DCP2: variants seen among roughly 807,000 people sequenced by gnomAD.
DCP2 encodes decapping mRNA 2, also known as m7GpppN-mRNA hydrolase.
DCP2 carries 30 observed loss-of-function variants against 56.1 expected under a neutral mutation model. The observed-to-expected ratio is 0.53, with a 90% CI of 0.40 to 0.73. The LOEUF (loss-of-function observed/expected upper bound fraction) is 0.73, where lower values mean the gene tolerates loss of function less well. Ranked by LOEUF, DCP2 falls within the 30% of genes least tolerant of loss-of-function variation. The pLI, the probability that DCP2 is intolerant of heterozygous loss-of-function variation, is 0.00. For missense variants in DCP2, 533 were observed against 502.7 expected, an observed-to-expected ratio of 1.06 and a Z score of -0.58; for synonymous variants, 197 against 163.3, an observed-to-expected ratio of 1.21 and a Z score of -1.57.
At chr5:113,003,892 A>C (rs1561700506) in intron 7 of DCP2, 50 bp from the exon 8 acceptor site, 1 of 1,599,874 alleles carries the variant, frequency 6.3e-7, no homozygotes, top group Non-Finnish European at 8.6e-7. Context: ...TGTTAAAAGA[A>C]CTATAAGTGA....
intron 1 of DCP2, chr5:112,984,722 A>ATATATATATATATG (rs1328543744): frequency 3.0e-5 from 4 of 134,320 alleles, no homozygotes; most frequent in African/African-American, 1.2e-4. Context: ...ATATATATAT[A>ATATATATATATATG]TATTTGAGAC....
Position 112,992,787 on chromosome 5 carries a change from T to C in DCP2, c.432+17T>C. On this transcript the variant is annotated intron_variant, in intron 4 of 10. Coordinates refer to ENST00000389063, the MANE Select transcript of DCP2 (RefSeq NM_152624.6). ...GCTAGAGAGGTAAGTTATTCCATTT[T>C]GATACACAGTAAATTTGGCTATTAG... The C allele has an allele frequency of 6.5e-7, 1 of 1,548,914 alleles. No individual in the cohort carries two copies. Among genetic ancestry groups the C allele is most frequent in the Non-Finnish European group, 8.6e-7 (1 of 1,158,316 alleles).
rs543430531 is a variant in DCP2 at position 113,015,171 on chromosome 5, T to C, written c.*1687T>C. 2.0e-4 allele frequency: 31 copies of C among 152,638 alleles called. No homozygotes were observed. The highest frequency in any genetic ancestry group is 4.4e-4 in the Non-Finnish European group (30 of 68,030). The allele number at this position is 152,638 out of a possible 1,614,324, so 9.5% of individuals were successfully genotyped here. Reference sequence around the variant, plus strand: ...TTGTGTTTGGAAGCTTTTACTGTTCTTTTCAGAAATACGGCTGCTTTGCTT... The same window carrying C: ...TTGTGTTTGGAAGCTTTTACTGTTCCTTTCAGAAATACGGCTGCTTTGCTT... On this transcript the variant is annotated 3_prime_UTR_variant, in exon 11 of 11. Transcript: ENST00000389063.
In DCP2 at chr5:112,997,594, ACTTTTT is replaced by A. The variant is rs550427217; in HGVS notation, c.433-3471_433-3466del. The stretch of plus-strand genomic sequence containing the variant: ...TGTACACTGCTGCTCTTTGGGTTAC[ACTTTTT>A]CTTTTTCTTTTTCTTTTTTTTTTTT... On this transcript the variant is annotated intron_variant, in intron 4 of 10. Coordinates refer to ENST00000389063, the MANE Select transcript of DCP2 (RefSeq NM_152624.6). Among the ~76,000 whole-genome samples, 854 of 149,104 alleles carry A rather than the reference ACTTTTT, an allele frequency of 5.7e-3. 7 individuals carry two copies. Among genetic ancestry groups the A allele is most frequent in the African/African-American group, 0.019 (785 of 40,712 alleles).
intron 10 of DCP2, among the ~76,000 whole-genome samples, chr5:113,011,854 A>C (rs1561706569): frequency 6.6e-6 from 1 of 152,128 alleles, no homozygotes; most frequent in Non-Finnish European, 1.5e-5. Context: ...TCTTACATTT[A>C]AGTCTTTCAT....
intron 1 of DCP2, among the ~76,000 whole-genome samples, chr5:112,983,636 G>A (rs947013312): frequency 6.6e-6 from 1 of 151,980 alleles, no homozygotes; most frequent in Non-Finnish European, 1.5e-5. Context: ...ATCAAAAATA[G>A]ACACTGCAAA....
At chr5:113,011,841 G>A (rs78372243) in intron 10 of DCP2, among the ~76,000 whole-genome samples, 4,671 of 152,074 alleles carry the variant, frequency 0.031, 110 homozygotes, top group African/African-American at 0.051. Context: ...CTACAGTTTC[G>A]GGTCTTACAT....
At chr5:112,984,701 A>ATATATATATATATATAT (rs1181496332) in intron 1 of DCP2, 63 of 79,516 alleles carry the variant, frequency 7.9e-4, no homozygotes, top group East Asian at 3.6e-3. Flanking sequence ...AAAAAAAAAA[A>ATATATATATATATATAT]AAATATATAT....
intron 4 of DCP2, among the ~76,000 whole-genome samples, chr5:112,996,330 A>C (rs1748848879): frequency 6.6e-6 from 1 of 152,062 alleles, no homozygotes; most frequent in African/African-American, 2.4e-5. Flanking sequence ...TTTCATTTCC[A>C]CTTGTATTAA....
chr5:112,978,606 GATGGTAGATTTATAATTTTTGAAGT>G (rs1747841870), intron 1 of DCP2, among the ~76,000 whole-genome samples: 1 of 151,814 alleles, frequency 6.6e-6, no homozygotes, highest in South Asian at 2.1e-4. Flanking sequence ...CTTCTTTGGT[GATGGTAGATTTATAATTTTTGAAGT>G]ATGGTAGATT....
In DCP2 at chr5:112,989,073, A is replaced by G. The variant is rs148919856; in HGVS notation, c.206-3048A>G. ...GGTTACTCTGTGCCAGGCCTTATGC[A>G]GTGAAGAGAGTAGACTCAGTATCTT... On this transcript the variant is annotated intron_variant, in intron 2 of 10. Coordinates refer to ENST00000389063, the MANE Select transcript of DCP2 (RefSeq NM_152624.6). 1.5e-3 allele frequency among the ~76,000 whole-genome samples: 223 copies of G among 152,364 alleles called. 2 individuals carry two copies. The highest frequency in any genetic ancestry group is 2.6e-3 in the Non-Finnish European group (176 of 68,032).
At chr5:113,013,176 T>C in intron 10 of DCP2, 145 bp from the exon 11 acceptor site, 1 of 683,280 alleles carries the variant, frequency 1.5e-6, no homozygotes, top group East Asian at 2.9e-5. Context: ...GGAAAATACA[T>C]ATTTTGGTGG....
chr5:112,978,644 A>G (rs1289664736), intron 1 of DCP2, among the ~76,000 whole-genome samples: 1 of 152,070 alleles, frequency 6.6e-6, no homozygotes, highest in African/African-American at 2.4e-5. Context: ...GGTAGATTCA[A>G]ATGAACCACT....
chr5:112,982,561 C>A lies in DCP2; in HGVS notation c.54-3274C>A, dbSNP rs78580164. ...TTTCTGTTTTCACACTTAGTTCCCA[C>A]ATGGTCTAGCGTCCACATTTTGAGT... On this transcript the variant is annotated intron_variant, in intron 1 of 10. Coordinates refer to ENST00000389063, the MANE Select transcript of DCP2 (RefSeq NM_152624.6). 8.8e-3 allele frequency among the ~76,000 whole-genome samples: 1,345 copies of A among 152,314 alleles called. 27 individuals are homozygous for A. The highest frequency in any genetic ancestry group is 0.031 in the African/African-American group (1,292 of 41,566).
Position 113,007,930 on chromosome 5 carries a change from G to T in DCP2, c.943-8G>T, listed in dbSNP as rs757788529. On this transcript the variant is annotated splice_polypyrimidine_tract_variant and splice_region_variant and intron_variant, in intron 8 of 10. Coordinates refer to ENST00000389063, the MANE Select transcript of DCP2 (RefSeq NM_152624.6). ...AGATTCATATTATATTTCTTTTTGGGAAAACAGAATCAAAGTATGAGGGGA... is the reference window on the plus strand; with the variant it reads ...AGATTCATATTATATTTCTTTTTGGTAAAACAGAATCAAAGTATGAGGGGA... 6.2e-7 allele frequency: 1 copy of T among 1,608,520 alleles called. No individual in the cohort carries two copies. The highest frequency in any genetic ancestry group is 8.5e-7 in the Non-Finnish European group (1 of 1,176,118).
chr5:113,007,789 A>G, intron 8 of DCP2, 149 bp from the exon 9 acceptor site: 1 of 602,666 alleles, frequency 1.7e-6, no homozygotes. Flanking sequence ...CTATAAGAAA[A>G]TACATTGATA....
chr5:113,020,653 T>A lies in DCP2; in HGVS notation c.*7169T>A, dbSNP rs1410204967. 1 of 152,216 alleles carries A rather than the reference T, an allele frequency of 6.6e-6. No homozygotes were observed. Among genetic ancestry groups the A allele is most frequent in the Non-Finnish European group, 1.5e-5 (1 of 68,038 alleles). The allele number at this position is 152,216 out of a possible 1,614,324, so 9.4% of individuals were successfully genotyped here. The stretch of plus-strand genomic sequence containing the variant: ...CTATCAAAGGATTTCCGGTGATTCA[T>A]GTTTGTGAATTGGAGTTTAAATGTT... On this transcript the variant is annotated 3_prime_UTR_variant, in exon 11 of 11. Coordinates refer to ENST00000389063, the MANE Select transcript of DCP2 (RefSeq NM_152624.6).
rs73229003 is a variant in DCP2 at position 112,979,469 on chromosome 5, C to A, written c.53+2483C>A. Among the ~76,000 whole-genome samples, 157 of 152,134 alleles carry A rather than the reference C, an allele frequency of 1.0e-3. 1 individual carries two copies. The highest frequency in any genetic ancestry group is 3.3e-3 in the African/African-American group (138 of 41,526). ...ATTTGAGGTTAATTTTTCTGAACTT[C>A]TTTGCTCTCTTTTATGTACGTCTTG... On this transcript the variant is annotated intron_variant, in intron 1 of 10. Coordinates refer to ENST00000389063, the MANE Select transcript of DCP2 (RefSeq NM_152624.6).
Position 113,001,456 on chromosome 5 carries a change from A to G in DCP2, c.685A>G (p.Ile229Val). ...GGCACCTAACAAATTTTTTATGGCC[A>G]TTCCCTTTATCAGGTGTGTTCATAT... ...GLAPNKFFMAIPFIRPLRDWL... is the reference protein window; with the variant it reads ...GLAPNKFFMAVPFIRPLRDWL... The change falls in exon 6 of 11, where the codon ATT (isoleucine) becomes GTT (valine). Residue 229 changes from isoleucine (I) to valine (V), a missense_variant. Ile to Val is a conservative substitution (Grantham distance 29). Transcript: ENST00000389063. 1 of 1,613,560 alleles carries G rather than the reference A, an allele frequency of 6.2e-7. No individual in the cohort carries two copies. Among genetic ancestry groups the G allele is most frequent in the African/African-American group, 1.3e-5 (1 of 75,030 alleles).
Sources: gnomAD v4.1 joint callset for allele counts (sites outside exome capture counted in the v4.1 genomes callset) on GRCh38, gnomAD v4.1.1 for gene constraint, MANE v1.5 for transcripts, NCBI Gene and HGNC (gene_info 2026-07-23, HGNC 2026-07-21) for gene names.